TLN2: variants seen among roughly 807,000 people sequenced by gnomAD.
TLN2 encodes talin 2, also known as talin-2.
TLN2 carries 118 observed loss-of-function variants against 294.7 expected under a neutral mutation model. The ratio of observed to expected loss-of-function variants is 0.40; its 90% confidence interval spans 0.34 to 0.47. TLN2 has a LOEUF of 0.47. TLN2 is among the 20% of genes least tolerant of loss of function. The pLI is 0.84. For synonymous variants in TLN2, 1,431 were observed against 1,304.5 expected, an observed-to-expected ratio of 1.10 and a Z score of -2.09; for missense variants, 3,083 against 3,282.2, an observed-to-expected ratio of 0.94 and a Z score of 1.48.
intron 2 of TLN2, among the ~76,000 whole-genome samples, chr15:62,604,415 C>T (rs1223911659): frequency 6.6e-6 from 1 of 151,306 alleles, no homozygotes; most frequent in Admixed American, 6.6e-5. Flanking sequence ...TAGTGACATG[C>T]ACCTCCCGTC....
chr15:62,527,522 CA>C (rs2040807027), intron 1 of TLN2, among the ~76,000 whole-genome samples: 1 of 152,124 alleles, frequency 6.6e-6, no homozygotes, highest in East Asian at 1.9e-4. Flanking sequence ...ATGTCACAGG[CA>C]AAAATGATGA....
At chr15:62,755,798 T>A in intron 37 of TLN2, 105 bp downstream of exon 37, 1 of 1,397,692 alleles carries the variant, frequency 7.2e-7, no homozygotes, top group Non-Finnish European at 9.7e-7. Context: ...TAGTGAAGCT[T>A]AACTTCTAAT....
At chr15:62,656,441 G>A (rs187729392) in intron 8 of TLN2, among the ~76,000 whole-genome samples, 2 of 152,322 alleles carry the variant, frequency 1.3e-5, no homozygotes, top group Admixed American at 6.5e-5. Context: ...GCAAGAGAAT[G>A]TTGGTCAGAA....
intron 9 of TLN2, among the ~76,000 whole-genome samples, chr15:62,664,184 A>G (rs1466741263): frequency 4.0e-5 from 6 of 151,838 alleles, no homozygotes; most frequent in African/African-American, 1.5e-4. Flanking sequence ...CATATTTGCA[A>G]TGCATACTCC....
In TLN2 at chr15:62,635,889, A is replaced by G. The variant is rs145583321; in HGVS notation, c.-36-11386A>G. ...ACACAAGCACTGTATCGATTTCTCT[A>G]TGTTCCCTTCCATTTTAAACAGCAC... is the stretch of plus-strand genomic sequence containing the variant. On this transcript the variant is annotated intron_variant, in intron 3 of 58. Coordinates refer to ENST00000636159, the MANE Select transcript of TLN2 (RefSeq NM_015059.3). 2.8e-3 allele frequency among the ~76,000 whole-genome samples: 425 copies of G among 152,216 alleles called. 3 individuals carry two copies. Among genetic ancestry groups the G allele is most frequent in the African/African-American group, 9.5e-3 (393 of 41,538 alleles).
At chr15:62,498,653 G>T (rs2140424449) in intron 1 of TLN2, among the ~76,000 whole-genome samples, 1 of 152,292 alleles carries the variant, frequency 6.6e-6, no homozygotes, top group South Asian at 2.1e-4. Flanking sequence ...GTCTGTCACA[G>T]GAAAGTGAGG....
intron 51 of TLN2, among the ~76,000 whole-genome samples, chr15:62,807,281 A>C (rs925647665): frequency 1.3e-5 from 2 of 152,158 alleles, no homozygotes; most frequent in Non-Finnish European, 2.9e-5. Context: ...GGAATCTCAA[A>C]ATTTTCGAAG....
At chr15:62,491,395 C>CAT in intron 1 of TLN2, among the ~76,000 whole-genome samples, 1 of 91,718 alleles carries the variant, frequency 1.1e-5, no homozygotes, top group African/African-American at 5.1e-5. Flanking sequence ...CACACACACA[C>CAT]ATTTATATAA....
At chr15:62,806,015 C>G (rs549950634) in intron 51 of TLN2, among the ~76,000 whole-genome samples, 1 of 152,072 alleles carries the variant, frequency 6.6e-6, no homozygotes, top group African/African-American at 2.4e-5. Flanking sequence ...ATAGTGAGAC[C>G]TCATCTCTTA....
At chr15:62,581,469 G>A (rs1024258154) in intron 1 of TLN2, among the ~76,000 whole-genome samples, 2 of 152,128 alleles carry the variant, frequency 1.3e-5, no homozygotes, top group African/African-American at 2.4e-5. Flanking sequence ...TGTTCATCAG[G>A]TTCTACTGTT....
intron 45 of TLN2, among the ~76,000 whole-genome samples, chr15:62,786,671 A>C (rs373715401): frequency 0.14 from 21,798 of 152,140 alleles, 1,592 homozygotes; most frequent in East Asian, 0.19. Flanking sequence ...ATTTGTTAAG[A>C]TGATTTGTGA....
At chr15:62,518,937 T>G (rs1187852849) in intron 1 of TLN2, among the ~76,000 whole-genome samples, 1 of 152,168 alleles carries the variant, frequency 6.6e-6, no homozygotes, top group African/African-American at 2.4e-5. Flanking sequence ...GTATAATGAT[T>G]TAAGATTTAT....
At chr15:62,408,992 G>A (rs368532804) in intron 1 of TLN2, among the ~76,000 whole-genome samples, 2 of 150,950 alleles carry the variant, frequency 1.3e-5, no homozygotes, top group South Asian at 2.1e-4. Flanking sequence ...TTTATTTTTT[G>A]GGGGGTACAG....
chr15:62,661,168 T>TA (rs1192447627), intron 9 of TLN2, among the ~76,000 whole-genome samples: 12 of 152,204 alleles, frequency 7.9e-5, no homozygotes, highest in African/African-American at 2.9e-4. Context: ...AAAAGCCTTC[T>TA]ATATTTTATT....
At chr15:62,633,584 G>A (rs1054642328) in intron 3 of TLN2, among the ~76,000 whole-genome samples, 16 of 152,190 alleles carry the variant, frequency 1.1e-4, no homozygotes, top group Non-Finnish European at 1.2e-4. Context: ...GATTTTAGGC[G>A]TGAGGCCCAG....
At position 62,390,705 on chromosome 15, in the gene TLN2, C is replaced by T. The variant is rs1045902823; in HGVS notation, c.-238+20C>T. On this transcript the variant is annotated intron_variant, in intron 1 of 58. Coordinates refer to ENST00000636159, the MANE Select transcript of TLN2 (RefSeq NM_015059.3). ...CCCCCGGTAAGGCGCACGGCTCACT[C>T]GGGTTTTCCTCTTCCTCCAGCTGCA... is the stretch of plus-strand genomic sequence containing the variant. 5 of 152,086 alleles carry T rather than the reference C, an allele frequency of 3.3e-5. No homozygotes were observed. The highest frequency in any genetic ancestry group is 1.2e-4 in the African/African-American group (5 of 41,436). The allele number at this position is 152,086 out of a possible 1,614,324, so 9.4% of individuals were successfully genotyped here.
chr15:62,789,258 C>T (rs2064909982), intron 45 of TLN2, among the ~76,000 whole-genome samples: 1 of 152,168 alleles, frequency 6.6e-6, no homozygotes, highest in Non-Finnish European at 1.5e-5. Context: ...CGTGACTTGG[C>T]ACAGCGCTGA....
At chr15:62,488,203 TAAAAG>T in intron 1 of TLN2, among the ~76,000 whole-genome samples, 1 of 152,222 alleles carries the variant, frequency 6.6e-6, no homozygotes, top group South Asian at 2.1e-4. Flanking sequence ...TACAAAAAAA[TAAAAG>T]TACATTTAGG....
rs541223864 is a variant in TLN2, at chr15:62,827,122, G to A, written c.7003-6382G>A. Among the ~76,000 whole-genome samples the A allele has an allele frequency of 1.1e-3, 166 of 152,288 alleles. 1 individual carries two copies. The highest frequency in any genetic ancestry group is 4.4e-3 in the South Asian group (21 of 4,824). On this transcript the variant is annotated intron_variant, in intron 54 of 58. Coordinates refer to ENST00000636159, the MANE Select transcript of TLN2 (RefSeq NM_015059.3). ...AGCCCTTTGGCCATCTCCTATGCAT[G>A]CCTTATGCTCCTTCACCTTCAAGTT...
Sources: gnomAD v4.1 joint callset for allele counts (sites outside exome capture counted in the v4.1 genomes callset) on GRCh38, gnomAD v4.1.1 for gene constraint, MANE v1.5 for transcripts, NCBI Gene and HGNC (gene_info 2026-07-23, HGNC 2026-07-21) for gene names.